The following CSMD1 variants were observed in gnomAD, a reference collection of about 807,000 sequenced individuals.
CSMD1 encodes CUB and sushi domain-containing protein 1.
CSMD1 carries 213 observed loss-of-function variants against 417.5 expected under a neutral mutation model. The ratio of observed to expected loss-of-function variants is 0.51; its 90% CI spans 0.46 to 0.57. The LOEUF is 0.57. Among genes scored for constraint, CSMD1 ranks in the 20% least tolerant of loss-of-function variants. The pLI is 0.00. For synonymous variants in CSMD1, 2,862 were observed against 1,736.8 expected, an observed-to-expected ratio of 1.65 and a Z score of -16.11; for missense variants, 6,923 against 4,529.7, an observed-to-expected ratio of 1.53 and a Z score of -15.17.
chr8:3,615,055 T>C lies in CSMD1; in HGVS notation c.1097+1655A>G, dbSNP rs74497232. Among the ~76,000 whole-genome samples, 6 of 152,308 alleles carry C rather than the reference T, an allele frequency of 3.9e-5. No individual in the cohort carries two copies. In the East Asian group the frequency reaches 9.6e-4, roughly 24 times the overall value. Reference sequence around the variant, plus strand: ...TGCTTTGTTTTCAAAAGAGATAAAATTCCTGAATGACTTCAAATGACTGCT... The same window carrying C: ...TGCTTTGTTTTCAAAAGAGATAAAACTCCTGAATGACTTCAAATGACTGCT... On this transcript the variant is annotated intron_variant, in intron 8 of 69. Coordinates refer to ENST00000635120, the MANE Select transcript of CSMD1 (RefSeq NM_033225.6).
At chr8:3,945,678 A>T (rs540663780) in intron 5 of CSMD1, among the ~76,000 whole-genome samples, 1 of 152,264 alleles carries the variant, frequency 6.6e-6, no homozygotes, top group East Asian at 1.9e-4. Context: ...TGAAATGACG[A>T]CAGTCCAGAT....
intron 6 of CSMD1, among the ~76,000 whole-genome samples, chr8:3,719,266 C>T (rs78329712): frequency 0.032 from 4,918 of 152,138 alleles, 207 homozygotes; most frequent in African/African-American, 0.094. Context: ...TTTACAAAAA[C>T]CCCAGTTTCA....
intron 1 of CSMD1, among the ~76,000 whole-genome samples, chr8:4,799,201 A>C (rs1032257010): frequency 6.6e-6 from 1 of 152,198 alleles, no homozygotes; most frequent in Non-Finnish European, 1.5e-5. Flanking sequence ...GGAATAAGAA[A>C]AAATGTTTTG....
At chr8:3,873,891 G>T (rs149035365) in intron 5 of CSMD1, among the ~76,000 whole-genome samples, 10 of 152,124 alleles carry the variant, frequency 6.6e-5, no homozygotes, top group African/African-American at 7.2e-5. Flanking sequence ...TGGCTGAACT[G>T]GGGGAGGTCA....
chr8:3,417,008 T>A (rs1427335779), intron 12 of CSMD1, among the ~76,000 whole-genome samples: 1 of 152,232 alleles, frequency 6.6e-6, no homozygotes, highest in Non-Finnish European at 1.5e-5. Flanking sequence ...TATAAGCTGA[T>A]ATCCCTGAAT....
At chr8:4,843,250 T>C (rs1234399107) in intron 1 of CSMD1, among the ~76,000 whole-genome samples, 1 of 152,174 alleles carries the variant, frequency 6.6e-6, no homozygotes, top group Admixed American at 6.5e-5. Flanking sequence ...GGGAATACGA[T>C]GTCTCCCTAA....
At chr8:3,741,751 G>T (rs1796815221) in intron 6 of CSMD1, among the ~76,000 whole-genome samples, 1 of 152,028 alleles carries the variant, frequency 6.6e-6, no homozygotes, top group Admixed American at 6.6e-5. Flanking sequence ...AATACCCAGT[G>T]GTGGTTGAAT....
At chr8:3,946,456 G>C (rs1209365735) in intron 5 of CSMD1, among the ~76,000 whole-genome samples, 1 of 152,072 alleles carries the variant, frequency 6.6e-6, no homozygotes, top group Non-Finnish European at 1.5e-5. Context: ...TCTTCAAATC[G>C]TATTATGTAA....
intron 3 of CSMD1, among the ~76,000 whole-genome samples, chr8:4,375,981 C>T (rs1260883279): frequency 6.6e-6 from 1 of 152,184 alleles, no homozygotes; most frequent in East Asian, 1.9e-4. Flanking sequence ...CTGCTTATCC[C>T]ACTGTTTCTG....
At chr8:3,470,918 A>T (rs1817056899) in intron 11 of CSMD1, among the ~76,000 whole-genome samples, 2 of 152,184 alleles carry the variant, frequency 1.3e-5, no homozygotes, top group South Asian at 4.1e-4. Flanking sequence ...TTAATTAACC[A>T]CCTGGTAAAG....
intron 2 of CSMD1, among the ~76,000 whole-genome samples, chr8:4,434,264 G>C (rs1269413303): frequency 6.6e-6 from 1 of 152,168 alleles, no homozygotes; most frequent in African/African-American, 2.4e-5. Context: ...TACTCAGGAG[G>C]CTGAGGCAAG....
chr8:4,463,282 T>C (rs1585119115), intron 2 of CSMD1, among the ~76,000 whole-genome samples: 1 of 147,892 alleles, frequency 6.8e-6, no homozygotes, highest in Non-Finnish European at 1.5e-5. Flanking sequence ...AAAAGACAGT[T>C]AGTAAGTGTT....
intron 3 of CSMD1, among the ~76,000 whole-genome samples, chr8:4,407,621 T>A (rs1350484922): frequency 6.6e-6 from 1 of 152,218 alleles, no homozygotes; most frequent in African/African-American, 2.4e-5. Context: ...TTAAATATAT[T>A]GGAATTCATT....
intron 62 of CSMD1, among the ~76,000 whole-genome samples, chr8:2,959,974 A>G (rs1266153589): frequency 6.6e-6 from 1 of 152,196 alleles, no homozygotes; most frequent in African/African-American, 2.4e-5. Flanking sequence ...AGGGTGAAGG[A>G]TTTATCCAAC....
At chr8:3,363,371 A>G (rs1184439789) in intron 20 of CSMD1, among the ~76,000 whole-genome samples, 3 of 152,210 alleles carry the variant, frequency 2.0e-5, no homozygotes, top group Admixed American at 6.5e-5. Context: ...ATTTTGGTGT[A>G]AAAACGTCAT....
At chr8:4,541,206 G>A (rs1797368251) in intron 2 of CSMD1, among the ~76,000 whole-genome samples, 2 of 152,226 alleles carry the variant, frequency 1.3e-5, no homozygotes, top group Admixed American at 1.3e-4. Context: ...GGGACTGGAA[G>A]TCCCATCTCT....
At chr8:4,613,582 C>T (rs1801305825) in intron 2 of CSMD1, among the ~76,000 whole-genome samples, 2 of 152,258 alleles carry the variant, frequency 1.3e-5, no homozygotes, top group South Asian at 4.2e-4. Flanking sequence ...GATGGCTGAG[C>T]AGGTGCTTGG....
chr8:3,334,693 T>G (rs566094558), intron 23 of CSMD1, among the ~76,000 whole-genome samples: 3 of 152,350 alleles, frequency 2.0e-5, no homozygotes, highest in African/African-American at 7.2e-5. Flanking sequence ...GGAGCTGCAG[T>G]GCAAACGGCT....
intron 12 of CSMD1, among the ~76,000 whole-genome samples, chr8:3,415,838 A>C (rs949279907): frequency 6.6e-6 from 1 of 152,200 alleles, no homozygotes; most frequent in African/African-American, 2.4e-5. Context: ...TTATTGGTAA[A>C]ATGGATCTAT....
Sources: allele counts gnomAD v4.1 joint callset (sites outside exome capture counted in the v4.1 genomes callset), GRCh38; gene constraint gnomAD v4.1.1; transcripts MANE v1.5; gene names NCBI Gene and HGNC (gene_info 2026-07-23, HGNC 2026-07-21).